The following ASGR2 variants were observed in gnomAD, a reference collection of about 807,000 sequenced individuals.
The protein encoded by ASGR2 is C-type lectin domain family 4 member H2.
In ASGR2, 34 loss-of-function variants were observed where a neutral mutation model predicts 32.3. The ratio of observed to expected loss-of-function variants is 1.05; its 90% confidence interval spans 0.80 to 1.40. The LOEUF is 1.40. Ranked by LOEUF, ASGR2 falls within the 40% of genes most tolerant of loss-of-function variation. ASGR2 has a pLI of 0.00. For missense variants in ASGR2, 385 were observed against 386.4 expected (o/e 1.00, Z 0.03); for synonymous variants, 143 against 150.0 (o/e 0.95, Z 0.34).
intron 2 of ASGR2, among the ~76,000 whole-genome samples, chr17:7,112,737 A>C (rs1914874936): frequency 6.6e-6 from 1 of 151,894 alleles, no homozygotes; most frequent in South Asian, 2.1e-4. Context: ...TGCCCTGCCC[A>C]GCACCGGCCC....
rs569557291 is a variant in ASGR2, at chr17:7,113,076, T to C, written c.124+1041A>G. The stretch of plus-strand genomic sequence containing the variant: ...TGGGAGGCTGAGGTGGGAGGATGGC[T>C]TGAGCCCAGGAGTTCGAGGTTGCAG... On this transcript the variant is annotated intron_variant, in intron 2 of 8. Transcript: ENST00000691900. This position sits in a 1 kb window ranked among gnomAD's most constrained non-coding sequence, Gnocchi z 5.1. Among the ~76,000 whole-genome samples the C allele has an allele frequency of 6.6e-6, 1 of 152,220 alleles. No homozygotes were observed. Among genetic ancestry groups the C allele is most frequent in the South Asian group, 2.1e-4 (1 of 4,824 alleles).
At chr17:7,112,436 C>G (rs79966453) in intron 2 of ASGR2, among the ~76,000 whole-genome samples, 1 of 151,982 alleles carries the variant, frequency 6.6e-6, no homozygotes, top group Non-Finnish European at 1.5e-5. Flanking sequence ...TGAGCTCACT[C>G]TCCCATTAAT....
rs745380115 is a variant in ASGR2 at position 7,107,885 on chromosome 17, G to A, written c.360C>T (p.Ile120=). Residue 120 remains isoleucine, a synonymous_variant, in exon 5 of 9, where the codon ATC becomes ATT. Transcript: ENST00000691900. This position sits in a 1 kb window ranked among gnomAD's most constrained non-coding sequence, Gnocchi z 5.0. ...TCTCCAGCTTGGCTCCTAGGGATGT[G>A]ATCTTGTCACCCACGCTGCCTCCTG... ...STHGGSVGDK[I]TSLGAKLEKQ... is the part of the protein sequence containing the mutation. 1 of 1,613,164 alleles carries A rather than the reference G, an allele frequency of 6.2e-7. No individual in the cohort carries two copies. Among genetic ancestry groups the A allele is most frequent in the South Asian group, 1.1e-5 (1 of 91,066 alleles).
At chr17:7,105,328 C>T (rs1913504093) in intron 7 of ASGR2, among the ~76,000 whole-genome samples, 1 of 150,280 alleles carries the variant, frequency 6.7e-6, no homozygotes, top group Non-Finnish European at 1.5e-5. Context: ...GAGACACTCA[C>T]CTATTAAAAG....
In ASGR2 at chr17:7,101,586, C is replaced by A. The variant is rs776462471; in HGVS notation, c.910G>T (p.Glu304Ter). The change falls in exon 9 of 9, where the codon GAG (glutamate) becomes TAG (stop). Residue 304 changes from glutamate (E) to a stop codon, truncating the protein, a stop_gained. Coordinates refer to ENST00000691900, the MANE Select transcript of ASGR2 (RefSeq NM_001201352.2). LOFTEE classifies it high-confidence loss of function. ...VCEKRRNATGEVA is the reference protein window; with the variant it reads ...VCEKRRNATG Reference sequence around the variant, plus strand: ...GAGGTGTGCTGGGGTCAGGCCACCTCGCCGGTGGCATTCCGCCTTTTCTCA... The same window carrying A: ...GAGGTGTGCTGGGGTCAGGCCACCTAGCCGGTGGCATTCCGCCTTTTCTCA... The A allele has an allele frequency of 1.3e-5, 21 of 1,613,956 alleles. No homozygotes were observed. The highest frequency in any genetic ancestry group is 1.7e-5 in the Non-Finnish European group (20 of 1,180,010).
intron 2 of ASGR2, among the ~76,000 whole-genome samples, chr17:7,111,629 C>A (rs1347531295): frequency 1.3e-5 from 2 of 149,386 alleles, no homozygotes; most frequent in East Asian, 4.0e-4. Flanking sequence ...GCACTCCGGC[C>A]TGGGCAACAG....
intron 2 of ASGR2, among the ~76,000 whole-genome samples, chr17:7,110,106 G>T (rs1014934852): frequency 6.6e-6 from 1 of 152,000 alleles, no homozygotes; most frequent in African/African-American, 2.4e-5. Context: ...TCCTCCCCAG[G>T]TCACTTCCTG....
At position 7,107,711 on chromosome 17, in the gene ASGR2, G is replaced by A; in HGVS notation, c.409+125C>T. The A allele has an allele frequency of 8.6e-7, 1 of 1,168,504 alleles. No individual in the cohort carries two copies. Among genetic ancestry groups the A allele is most frequent in the Non-Finnish European group, 1.2e-6 (1 of 808,088 alleles). The allele number at this position is 1,168,504 out of a possible 1,614,324, so 72.4% of individuals were successfully genotyped here. ...TACGGAGAGAGACACAGATACACAT[G>A]CTTGCAGGCACACACACGCACGCAC... On this transcript the variant is annotated intron_variant, in intron 5 of 8. Coordinates refer to ENST00000691900, the MANE Select transcript of ASGR2 (RefSeq NM_001201352.2). The surrounding 1 kb of genome is among the most constrained non-coding windows in gnomAD (Gnocchi z 5.0).
At chr17:7,104,703 G>A (rs1023185692) in intron 7 of ASGR2, among the ~76,000 whole-genome samples, 7 of 151,340 alleles carry the variant, frequency 4.6e-5, no homozygotes, top group Admixed American at 6.6e-5. Flanking sequence ...GGGGCCGGGC[G>A]TGGTGGCTCA....
At chr17:7,109,514 C>CCCA (rs1914349301) in intron 2 of ASGR2, among the ~76,000 whole-genome samples, 1 of 152,086 alleles carries the variant, frequency 6.6e-6, no homozygotes, top group African/African-American at 2.4e-5. Context: ...GTCCTCATCC[C>CCCA]CCACCACGCA....
chr17:7,106,585 G>A (rs1913715442), intron 7 of ASGR2, among the ~76,000 whole-genome samples: 1 of 152,110 alleles, frequency 6.6e-6, no homozygotes, highest in African/African-American at 2.4e-5. Context: ...TGTATCATAT[G>A]GCTTAACTAC....
At chr17:7,106,324 G>A (rs1282400525) in intron 7 of ASGR2, among the ~76,000 whole-genome samples, 3 of 152,180 alleles carry the variant, frequency 2.0e-5, no homozygotes, top group Non-Finnish European at 4.4e-5. Flanking sequence ...TGGGACACAC[G>A]TTGGCTTCAT....
Position 7,101,433 on chromosome 17 carries a change from C to G in ASGR2, c.*142G>C. 1.8e-6 allele frequency: 2 copies of G among 1,115,542 alleles called. No homozygotes were observed. The highest frequency in any genetic ancestry group is 2.5e-6 in the Non-Finnish European group (2 of 807,884). 69.1% of individuals were successfully genotyped at this position (1,115,542 alleles called of 1,614,324 possible). A position where few individuals can be genotyped will look rare whatever the true frequency, so the allele number is the denominator to read the frequency against. On this transcript the variant is annotated 3_prime_UTR_variant, in exon 9 of 9. Transcript: ENST00000691900. ...GATCTCAGTCCTCCAGGGTCAGGGA[C>G]TCTTAAACTACCTCCTTTCTCTCTT... is the stretch of plus-strand genomic sequence containing the variant.
chr17:7,114,838 C>G, upstream of ASGR2: 2 of 987,444 alleles, frequency 2.0e-6, no homozygotes, highest in Non-Finnish European at 2.4e-6. This position sits in a 1 kb window ranked among gnomAD's most constrained non-coding sequence, Gnocchi z 4.5. Context: ...GAAGAGGAAA[C>G]AGAGCTGTAA....
In ASGR2 at chr17:7,114,175, T is replaced by C. The variant is rs1205115806; in HGVS notation, c.66A>G (p.Gln22=). ...GCCTGCGAGTGCCTGGCCCCTCACC[T>C]TGATGGAAAGGATGGTCATTTTCCT... ...SSEENDHPFH[Q]GEGPGTRRLN... is the part of the protein sequence containing the mutation. Residue 22 remains glutamine (Q), a synonymous_variant, in exon 2 of 9, where the codon CAA becomes CAG. Coordinates refer to ENST00000691900, the MANE Select transcript of ASGR2 (RefSeq NM_001201352.2). The surrounding 1 kb of genome is among the most constrained non-coding windows in gnomAD (Gnocchi z 4.5). 4 of 1,614,088 alleles carry C rather than the reference T, an allele frequency of 2.5e-6. No homozygotes were observed. The African/African-American group carries it at 5.3e-5, about 22-fold the overall frequency.
At chr17:7,104,839 G>A (rs899100732) in intron 7 of ASGR2, among the ~76,000 whole-genome samples, 2 of 151,578 alleles carry the variant, frequency 1.3e-5, no homozygotes, top group Non-Finnish European at 2.9e-5. Context: ...AGCCAGGCAC[G>A]ATGGCGGGTG....
At position 7,108,146 on chromosome 17, in the gene ASGR2, G is replaced by A. The variant is rs182064806; in HGVS notation, c.338-239C>T. Among the ~76,000 whole-genome samples the A allele has an allele frequency of 3.6e-3, 543 of 152,192 alleles. No homozygotes were observed. Among genetic ancestry groups the A allele is most frequent in the South Asian group, 6.8e-3 (33 of 4,820 alleles). On this transcript the variant is annotated intron_variant, in intron 4 of 8. Coordinates refer to ENST00000691900, the MANE Select transcript of ASGR2 (RefSeq NM_001201352.2). This position sits in a 1 kb window ranked among gnomAD's most constrained non-coding sequence, Gnocchi z 4.9. ...CGCTCTGTCAGCACGGCTCACCTGC[G>A]TGGCCGGGCCCCTCCCCACCTCTCT...
chr17:7,109,899 T>G (rs1347300378), intron 2 of ASGR2, among the ~76,000 whole-genome samples: 1 of 152,100 alleles, frequency 6.6e-6, no homozygotes, highest in Non-Finnish European at 1.5e-5. Flanking sequence ...CTGGGCTCCC[T>G]CTCTGCTGCC....
intron 2 of ASGR2, among the ~76,000 whole-genome samples, chr17:7,109,232 CTAGG>C (rs1914313955): frequency 6.6e-6 from 1 of 152,088 alleles, no homozygotes; most frequent in Non-Finnish European, 1.5e-5. Context: ...CCGGCCCTGC[CTAGG>C]CACACATCCT....
Sources: allele counts gnomAD v4.1 joint callset (sites outside exome capture counted in the v4.1 genomes callset), GRCh38; gene constraint gnomAD v4.1.1; non-coding constraint Gnocchi (gnomAD v3.1); transcripts MANE v1.5; gene names NCBI Gene and HGNC (gene_info 2026-07-23, HGNC 2026-07-21).